Variants in FILIP1L observed in about 807,000 individuals in gnomAD.
FILIP1L encodes the protein filamin A-interacting protein 1-like.
FILIP1L carries 55 observed loss-of-function variants against 96.6 expected under a neutral mutation model. The ratio of observed to expected loss-of-function variants is 0.57; its 90% confidence interval spans 0.46 to 0.71. The LOEUF (loss-of-function observed/expected upper bound fraction) is 0.71. Ranked by LOEUF, FILIP1L falls within the 30% of genes least tolerant of loss-of-function variation. The pLI is 0.00. For missense variants in FILIP1L, 1,304 were observed against 1,321.2 expected (o/e 0.99, Z 0.20); for synonymous variants, 467 against 473.9 (o/e 0.99, Z 0.19).
intron 1 of FILIP1L, among the ~76,000 whole-genome samples, chr3:99,976,068 A>G (rs1467079966): frequency 6.6e-6 from 1 of 152,052 alleles, no homozygotes; most frequent in Non-Finnish European, 1.5e-5. Context: ...TATTTTTAGT[A>G]GAGACGAGGT....
At chr3:99,832,859 TTG>T (rs1340503863) in intron 5 of FILIP1L, among the ~76,000 whole-genome samples, 4 of 117,520 alleles carry the variant, frequency 3.4e-5, no homozygotes, top group African/African-American at 1.1e-4. Context: ...AAAAAAAAAG[TTG>T]TTTTTTTTTT....
At position 99,897,828 on chromosome 3, in the gene FILIP1L, T is replaced by C. The variant is rs539840015; in HGVS notation, c.605+26402A>G. Among the ~76,000 whole-genome samples the C allele has an allele frequency of 5.1e-4, 77 of 152,338 alleles. 1 individual carries two copies. Among genetic ancestry groups the C allele is most frequent in the Middle Eastern group, 3.4e-3 (1 of 294 alleles). ...TAAGAGAACTCCACTACAGAGAATC[T>C]CCTATAGTGTGTCAAAGCTTTCTGC... On this transcript the variant is annotated intron_variant, in intron 4 of 5. Coordinates refer to ENST00000477258, the MANE Select transcript of FILIP1L (RefSeq NM_001387850.1).
chr3:100,030,531 G>T (rs947460570), intron 1 of FILIP1L, among the ~76,000 whole-genome samples: 1 of 152,058 alleles, frequency 6.6e-6, no homozygotes, highest in Non-Finnish European at 1.5e-5. Flanking sequence ...TCTTTTCTCA[G>T]AACCTGTTTT....
Position 99,848,449 on chromosome 3 carries a change from C to A in FILIP1L, c.3227G>T (p.Ser1076Ile). Residue 1076 changes from serine (S) to isoleucine (I), a missense_variant, in exon 5 of 6, where the codon AGC becomes ATC. Ser to Ile is a moderately radical substitution (Grantham distance 142). Coordinates refer to ENST00000477258, the MANE Select transcript of FILIP1L (RefSeq NM_001387850.1). The stretch of plus-strand genomic sequence containing the variant: ...TGAAGGGCTGGCAGGTCTCACAGGG[C>A]TGGCTACAGCTTGCATGTAAGGACT... ...LGSPYMQAVA[S>I]PVRPASPSAP... 1 of 1,614,146 alleles carries A rather than the reference C, an allele frequency of 6.2e-7. No homozygotes were observed. The highest frequency in any genetic ancestry group is 1.1e-5 in the South Asian group (1 of 91,074).
At chr3:99,900,174 G>A (rs2107625426) in intron 4 of FILIP1L, among the ~76,000 whole-genome samples, 1 of 152,144 alleles carries the variant, frequency 6.6e-6, no homozygotes, top group Non-Finnish European at 1.5e-5. Context: ...ATATAATGGT[G>A]ATATCATTAG....
intron 1 of FILIP1L, among the ~76,000 whole-genome samples, chr3:100,029,325 AACACT>A (rs1315183660): frequency 1.1e-4 from 17 of 152,206 alleles, no homozygotes; most frequent in African/African-American, 3.8e-4. Flanking sequence ...TTAGTCACAT[AACACT>A]ATTGATTTTG....
intron 1 of FILIP1L, chr3:100,010,088 T>C: frequency 1.5e-6 from 1 of 653,808 alleles, no homozygotes; most frequent in Non-Finnish European, 1.9e-6. Flanking sequence ...TTGAGTACCA[T>C]ACCAAGTTCT....
intron 4 of FILIP1L, among the ~76,000 whole-genome samples, chr3:99,909,795 T>C (rs982893878): frequency 7.2e-5 from 11 of 152,204 alleles, no homozygotes; most frequent in African/African-American, 2.7e-4. Flanking sequence ...TTTATTCCAT[T>C]TCCATTCAAC....
At chr3:100,081,141 G>A (rs1319542080) in intron 1 of FILIP1L, among the ~76,000 whole-genome samples, 2 of 152,086 alleles carry the variant, frequency 1.3e-5, no homozygotes, top group Non-Finnish European at 1.5e-5. Flanking sequence ...GAAAAGAATT[G>A]CAGAACTTCA....
intron 1 of FILIP1L, among the ~76,000 whole-genome samples, chr3:100,008,925 G>T (rs554738819): frequency 1.3e-5 from 2 of 152,142 alleles, no homozygotes; most frequent in South Asian, 4.1e-4. Flanking sequence ...CAGAAACTTG[G>T]AACACCTATA....
chr3:99,893,162 C>CT (rs1200176411), intron 4 of FILIP1L, among the ~76,000 whole-genome samples: 21,370 of 107,568 alleles, frequency 0.2, 3,225 homozygotes, highest in Non-Finnish European at 0.26. Context: ...GGCATCTAGA[C>CT]TTTTTTTTTT....
At chr3:99,864,830 A>G (rs1576527176) in intron 4 of FILIP1L, among the ~76,000 whole-genome samples, 1 of 152,086 alleles carries the variant, frequency 6.6e-6, no homozygotes, top group Non-Finnish European at 1.5e-5. Context: ...ACCATCTGGC[A>G]TACTATATTT....
chr3:99,977,165 A>G (rs191408354), intron 1 of FILIP1L, among the ~76,000 whole-genome samples: 43 of 152,336 alleles, frequency 2.8e-4, no homozygotes, highest in Admixed American at 7.2e-4. Flanking sequence ...TACTGTACAC[A>G]GTTCCCTTGT....
chr3:99,988,617 A>G (rs1709424872), intron 1 of FILIP1L, among the ~76,000 whole-genome samples: 1 of 151,976 alleles, frequency 6.6e-6, no homozygotes, highest in African/African-American at 2.4e-5. Context: ...TTTAAAGACC[A>G]TTTCCAAAGT....
chr3:100,002,856 A>G (rs1486335020), intron 1 of FILIP1L, among the ~76,000 whole-genome samples: 1 of 152,208 alleles, frequency 6.6e-6, no homozygotes, highest in Non-Finnish European at 1.5e-5. Context: ...AGGAAGTACC[A>G]GAAACTTCAG....
chr3:100,074,492 T>C (rs1183179328), intron 1 of FILIP1L, among the ~76,000 whole-genome samples: 9 of 152,104 alleles, frequency 5.9e-5, no homozygotes, highest in Admixed American at 4.6e-4. Context: ...TCTCTTATCA[T>C]GTTCCAGAAA....
chr3:100,087,004 C>T (rs1361643998), intron 1 of FILIP1L, among the ~76,000 whole-genome samples: 1 of 152,168 alleles, frequency 6.6e-6, no homozygotes, highest in Admixed American at 6.5e-5. Context: ...ACTTGAGATA[C>T]TATCCAAATT....
At chr3:99,880,615 T>C (rs1052577482) in intron 4 of FILIP1L, among the ~76,000 whole-genome samples, 1 of 152,196 alleles carries the variant, frequency 6.6e-6, no homozygotes, top group Admixed American at 6.5e-5. Context: ...TCCTTTGTTA[T>C]TAAAACATTA....
intron 1 of FILIP1L, chr3:99,964,341 T>G (rs1708582710): frequency 6.7e-6 from 1 of 149,156 alleles, no homozygotes; most frequent in Admixed American, 6.6e-5. Context: ...CATATGGTAC[T>G]CAGAGACTTA....
Sources: gnomAD v4.1 joint callset for allele counts (sites outside exome capture counted in the v4.1 genomes callset) on GRCh38, gnomAD v4.1.1 for gene constraint, MANE v1.5 for transcripts, NCBI Gene and HGNC (gene_info 2026-07-23, HGNC 2026-07-21) for gene names.